Variants in ARHGAP24 observed in about 807,000 individuals in gnomAD.
ARHGAP24 encodes the protein rho GTPase-activating protein 24.
In ARHGAP24, 50 loss-of-function variants were observed where a neutral mutation model predicts 76.4. The ratio of observed to expected loss-of-function variants is 0.65; its 90% confidence interval spans 0.52 to 0.83. The LOEUF is 0.83. ARHGAP24 is among the 40% of genes least tolerant of loss of function. The pLI, the probability that ARHGAP24 is intolerant of heterozygous loss-of-function variation, is 0.00. For missense variants in ARHGAP24, 930 were observed against 914.2 expected (o/e 1.02, Z -0.22); for synonymous variants, 345 against 323.3 (o/e 1.07, Z -0.72).
intron 5 of ARHGAP24, among the ~76,000 whole-genome samples, chr4:85,963,807 G>A (rs897496726): frequency 1.3e-5 from 2 of 151,874 alleles, no homozygotes; most frequent in Non-Finnish European, 2.9e-5. Flanking sequence ...ATTGCCCTTT[G>A]CATTCAAATA....
chr4:85,859,938 A>G (rs1651157332), intron 3 of ARHGAP24, among the ~76,000 whole-genome samples: 1 of 152,120 alleles, frequency 6.6e-6, no homozygotes, highest in Non-Finnish European at 1.5e-5. Flanking sequence ...AATTAAAAAA[A>G]AAATTCAAGC....
intron 2 of ARHGAP24, among the ~76,000 whole-genome samples, chr4:85,640,195 A>C (rs1012743454): frequency 2.6e-5 from 4 of 152,202 alleles, no homozygotes; most frequent in African/African-American, 9.6e-5. Context: ...GAGGTACCAG[A>C]CAGCTATTAA....
intron 3 of ARHGAP24, among the ~76,000 whole-genome samples, chr4:85,806,977 T>G (rs1211478678): frequency 1.3e-5 from 2 of 152,236 alleles, no homozygotes; most frequent in African/African-American, 4.8e-5. Context: ...TAATTTTATT[T>G]ACCTTTTTAA....
At chr4:85,756,165 A>T (rs980453832) in intron 3 of ARHGAP24, among the ~76,000 whole-genome samples, 4 of 150,850 alleles carry the variant, frequency 2.7e-5, no homozygotes, top group Non-Finnish European at 5.9e-5. Context: ...ATTACAACAG[A>T]TGATATAATA....
chr4:85,640,334 T>G (rs1473191791), intron 2 of ARHGAP24, among the ~76,000 whole-genome samples: 4 of 152,170 alleles, frequency 2.6e-5, no homozygotes. Flanking sequence ...CCTTTCCATC[T>G]GCTCTCTCCA....
chr4:85,745,293 G>C (rs1725984158), intron 3 of ARHGAP24, among the ~76,000 whole-genome samples: 1 of 145,356 alleles, frequency 6.9e-6, no homozygotes, highest in Non-Finnish European at 1.5e-5. Context: ...ATATACCGTA[G>C]TATATATATA....
chr4:85,879,598 T>G (rs1733121876), intron 3 of ARHGAP24, among the ~76,000 whole-genome samples: 1 of 152,038 alleles, frequency 6.6e-6, no homozygotes. Context: ...ATTAAATAAT[T>G]TGTTAAGACA....
rs1250687338 is a variant in ARHGAP24 at position 85,994,593 on chromosome 4, G to A, written c.939G>A (p.Val313=). The change falls in exon 9 of 10, where the codon GTG becomes GTA. Residue 313 remains valine (V), a synonymous_variant. Transcript: ENST00000395184. The part of the protein sequence containing the change: ...DPLTIMEGTV[V]VQQLMSVMIS... ...TCTATGCAATTCTAGGCACTGTGGTGGTCCAGCAGTTGATGTCAGTGATGA... is the reference window on the plus strand; with the variant it reads ...TCTATGCAATTCTAGGCACTGTGGTAGTCCAGCAGTTGATGTCAGTGATGA... 1 of 1,613,970 alleles carries A rather than the reference G, an allele frequency of 6.2e-7. No homozygotes were observed. The highest frequency in any genetic ancestry group is 8.5e-7 in the Non-Finnish European group (1 of 1,179,874).
At chr4:85,640,267 A>T (rs951717685) in intron 2 of ARHGAP24, among the ~76,000 whole-genome samples, 1 of 152,048 alleles carries the variant, frequency 6.6e-6, no homozygotes, top group Admixed American at 6.5e-5. Flanking sequence ...TTCTAAACCT[A>T]CTTACCCTGT....
At chr4:85,482,867 A>G (rs566752673) in intron 1 of ARHGAP24, among the ~76,000 whole-genome samples, 12 of 152,278 alleles carry the variant, frequency 7.9e-5, no homozygotes, top group Admixed American at 5.2e-4. Context: ...CACAGCCACT[A>G]TGTGGTAGAT....
chr4:85,720,093 A>T (rs1281154692), intron 2 of ARHGAP24, among the ~76,000 whole-genome samples: 6 of 150,244 alleles, frequency 4.0e-5, no homozygotes, highest in Admixed American at 3.3e-4. Context: ...GAAGGGGGAC[A>T]TCACCCACCG....
chr4:85,601,122 T>G (rs17010532), intron 2 of ARHGAP24, among the ~76,000 whole-genome samples: 8,706 of 152,278 alleles, frequency 0.057, 824 homozygotes, highest in African/African-American at 0.2. Flanking sequence ...TTTATTTCAC[T>G]CTTTTATTCA....
At chr4:85,794,483 T>A (rs1016207732) in intron 3 of ARHGAP24, among the ~76,000 whole-genome samples, 2 of 152,218 alleles carry the variant, frequency 1.3e-5, no homozygotes, top group East Asian at 3.9e-4. Flanking sequence ...TACTGCATAT[T>A]CTTTTTTATT....
At chr4:85,757,388 C>G (rs968740326) in intron 3 of ARHGAP24, among the ~76,000 whole-genome samples, 7 of 151,796 alleles carry the variant, frequency 4.6e-5, no homozygotes, top group Admixed American at 4.6e-4. Flanking sequence ...CACGACAGAC[C>G]CCGGTGTGTG....
chr4:85,531,834 T>C (rs1725269212), intron 1 of ARHGAP24, among the ~76,000 whole-genome samples: 2 of 152,070 alleles, frequency 1.3e-5, no homozygotes, highest in South Asian at 4.1e-4. Context: ...ACCTCCAGGC[T>C]TCATATTTCA....
intron 2 of ARHGAP24, among the ~76,000 whole-genome samples, chr4:85,718,331 TAAA>T (rs1449134482): frequency 2.6e-5 from 4 of 152,122 alleles, no homozygotes; most frequent in Admixed American, 6.6e-5. Context: ...AAGCAGATAA[TAAA>T]TATCTTTTTA....
At chr4:85,757,873 C>A (rs1332106982) in intron 3 of ARHGAP24, among the ~76,000 whole-genome samples, 1 of 152,172 alleles carries the variant, frequency 6.6e-6, no homozygotes. Context: ...TCCTCTCCAG[C>A]ACCTGTTGTT....
intron 3 of ARHGAP24, among the ~76,000 whole-genome samples, chr4:85,919,442 A>C (rs1433642744): frequency 6.6e-6 from 1 of 152,170 alleles, no homozygotes; most frequent in African/African-American, 2.4e-5. Context: ...TATCTACATA[A>C]TTGTTTAGCC....
At chr4:85,686,244 C>T (rs779644157) in intron 2 of ARHGAP24, among the ~76,000 whole-genome samples, 1 of 151,560 alleles carries the variant, frequency 6.6e-6, no homozygotes, top group Non-Finnish European at 1.5e-5. Context: ...AATTGGCACC[C>T]ATATTTAATA....
Sources: gnomAD v4.1 joint callset for allele counts (sites outside exome capture counted in the v4.1 genomes callset) on GRCh38, gnomAD v4.1.1 for gene constraint, MANE v1.5 for transcripts, NCBI Gene and HGNC (gene_info 2026-07-23, HGNC 2026-07-21) for gene names.